DLG2: variants seen among roughly 807,000 people sequenced by gnomAD.
DLG2 encodes the protein discs large MAGUK scaffold protein 2, also known as disks large homolog 2.
A neutral mutation model predicts 132.5 loss-of-function variants in DLG2; 45 were observed. That is an observed-to-expected ratio of 0.34 (90% CI 0.27 to 0.44). The LOEUF (loss-of-function observed/expected upper bound fraction) is 0.44. DLG2 is among the 20% of genes least tolerant of loss of function. The pLI, the probability that DLG2 is intolerant of heterozygous loss-of-function variation, is 1.00. For missense variants in DLG2, 1,045 were observed against 1,196.9 expected (o/e 0.87, Z 1.87); for synonymous variants, 424 against 419.6 (o/e 1.01, Z -0.13).
At chr11:84,771,938 G>A (rs1304991432) in intron 6 of DLG2, among the ~76,000 whole-genome samples, 3 of 151,882 alleles carry the variant, frequency 2.0e-5, no homozygotes, top group Non-Finnish European at 4.4e-5. Context: ...TTGAAGCTAA[G>A]AGCCAAATCA....
At chr11:84,907,670 A>T (rs1034067801) in intron 6 of DLG2, among the ~76,000 whole-genome samples, 3 of 152,204 alleles carry the variant, frequency 2.0e-5, no homozygotes, top group Non-Finnish European at 2.9e-5. Flanking sequence ...TGAAAGTCAA[A>T]TAAGGGTTCT....
chr11:83,997,891 G>C (rs2094135215), intron 11 of DLG2, among the ~76,000 whole-genome samples: 1 of 151,702 alleles, frequency 6.6e-6, no homozygotes. Flanking sequence ...TCAGGCTTTG[G>C]GAGGCCATGG....
chr11:83,897,290 C>G (rs1159692096), intron 15 of DLG2, among the ~76,000 whole-genome samples: 1 of 152,146 alleles, frequency 6.6e-6, no homozygotes, highest in Non-Finnish European at 1.5e-5. Context: ...GGATTTGAAT[C>G]TTTGTGGCAT....
intron 8 of DLG2, among the ~76,000 whole-genome samples, chr11:84,188,607 C>G (rs951193005): frequency 6.6e-6 from 1 of 152,162 alleles, no homozygotes; most frequent in South Asian, 2.1e-4. Context: ...TCCCACTGAG[C>G]TAATATTGGA....
chr11:83,545,533 T>C (rs996593676), intron 19 of DLG2, among the ~76,000 whole-genome samples: 4 of 152,060 alleles, frequency 2.6e-5, no homozygotes, highest in Non-Finnish European at 5.9e-5. Flanking sequence ...TCAATACAGG[T>C]CTGTGAAAAT....
Position 84,784,354 on chromosome 11 carries a change from A to AATT in DLG2, c.358-249624_358-249623insAAT, listed in dbSNP as rs1565953308. On this transcript the variant is annotated intron_variant, in intron 6 of 27. Coordinates refer to ENST00000376104, the MANE Select transcript of DLG2 (RefSeq NM_001142699.3). ...TAAATAAATAAATAAATAAATAAAT[A>AATT]AATAAATAAATAAATTAAACAAGAG... Among the ~76,000 whole-genome samples, 96 of 144,038 alleles carry AATT rather than the reference A, an allele frequency of 6.7e-4. 1 individual carries two copies. The highest frequency in any genetic ancestry group is 2.0e-3 in the Admixed American group (29 of 14,296). 94.5% of individuals were successfully genotyped at this position (144,038 alleles called of 152,430 possible). A position where few individuals can be genotyped will look rare whatever the true frequency, so the allele number is the denominator to read the frequency against.
intron 4 of DLG2, among the ~76,000 whole-genome samples, chr11:85,212,187 G>C (rs1469493770): frequency 2.0e-5 from 3 of 152,062 alleles, no homozygotes; most frequent in Non-Finnish European, 4.4e-5. Context: ...ACTAGTCACA[G>C]AAAAATTGTC....
intron 7 of DLG2, among the ~76,000 whole-genome samples, chr11:84,292,970 G>A (rs1057176385): frequency 2.0e-5 from 3 of 152,176 alleles, no homozygotes; most frequent in African/African-American, 4.8e-5. Flanking sequence ...TTACAAATAT[G>A]TATTGGGCAG....
At chr11:84,971,612 T>A (rs1470706155) in intron 6 of DLG2, among the ~76,000 whole-genome samples, 1 of 152,196 alleles carries the variant, frequency 6.6e-6, no homozygotes, top group Non-Finnish European at 1.5e-5. Flanking sequence ...ATAGATTTAT[T>A]TGCAGATAGA....
chr11:84,806,872 T>C (rs2076056645), intron 6 of DLG2, among the ~76,000 whole-genome samples: 1 of 152,152 alleles, frequency 6.6e-6, no homozygotes, highest in African/African-American at 2.4e-5. Context: ...AGATGAAATA[T>C]TTTTTAAAAA....
At chr11:85,429,047 C>T (rs1361230991) in intron 3 of DLG2, among the ~76,000 whole-genome samples, 1 of 152,120 alleles carries the variant, frequency 6.6e-6, no homozygotes, top group Admixed American at 6.5e-5. Flanking sequence ...CTAAATTCCT[C>T]AACACATACA....
intron 4 of DLG2, among the ~76,000 whole-genome samples, chr11:85,243,806 A>C (rs905675910): frequency 6.6e-6 from 1 of 152,028 alleles, no homozygotes; most frequent in African/African-American, 2.4e-5. Context: ...AAATATCTCT[A>C]AATATTATCC....
intron 3 of DLG2, among the ~76,000 whole-genome samples, chr11:85,397,250 G>T (rs1183630113): frequency 2.0e-5 from 3 of 152,124 alleles, no homozygotes; most frequent in Non-Finnish European, 4.4e-5. Flanking sequence ...TCACCACCAG[G>T]CATGCCTTAT....
chr11:83,525,761 G>T (rs1263811962), intron 21 of DLG2, among the ~76,000 whole-genome samples: 1 of 152,132 alleles, frequency 6.6e-6, no homozygotes, highest in East Asian at 1.9e-4. Context: ...TCCAAGACCG[G>T]CTCCATTAAA....
intron 6 of DLG2, chr11:84,687,058 T>A (rs2099738827): frequency 6.6e-6 from 1 of 152,122 alleles, no homozygotes; most frequent in Non-Finnish European, 1.5e-5. Context: ...TCATGGATTA[T>A]GCAACTTACT....
At chr11:84,958,260 G>A (rs2051995503) in intron 6 of DLG2, among the ~76,000 whole-genome samples, 1 of 151,958 alleles carries the variant, frequency 6.6e-6, no homozygotes, top group African/African-American at 2.4e-5. Flanking sequence ...CTATTCCCAA[G>A]CCCAAGTTTT....
rs117093458 is a variant in DLG2, at chr11:83,819,518, G to T, written c.1722+14096C>A. The stretch of plus-strand genomic sequence containing the variant: ...GAAGAAAAGAAAAAGAAAAGAAAAA[G>T]AAAAGAAAAATATAGTCTTCATTCT... On this transcript the variant is annotated intron_variant, in intron 17 of 27. Coordinates refer to ENST00000376104, the MANE Select transcript of DLG2 (RefSeq NM_001142699.3). Among the ~76,000 whole-genome samples the T allele has an allele frequency of 1.8e-4, 13 of 73,636 alleles. No homozygotes were observed. In the East Asian group the frequency reaches 4.4e-3, roughly 25 times the overall value. The allele number at this position is 73,636 out of a possible 152,430, so 48.3% of individuals were successfully genotyped here. A position where few individuals can be genotyped will look rare whatever the true frequency, so the allele number is the denominator to read the frequency against.
intron 18 of DLG2, among the ~76,000 whole-genome samples, chr11:83,694,920 G>T (rs1429749844): frequency 1.3e-5 from 2 of 152,188 alleles, no homozygotes; most frequent in Non-Finnish European, 2.9e-5. Context: ...AGACGCAGTG[G>T]GAAGGCAGTG....
intron 8 of DLG2, among the ~76,000 whole-genome samples, chr11:84,178,767 T>A (rs1016726073): frequency 1.3e-5 from 2 of 151,780 alleles, no homozygotes; most frequent in Non-Finnish European, 2.9e-5. Flanking sequence ...GACAGACTCA[T>A]CAGAGACATC....
Sources: allele counts gnomAD v4.1 joint callset (sites outside exome capture counted in the v4.1 genomes callset), GRCh38; gene constraint gnomAD v4.1.1; transcripts MANE v1.5; gene names NCBI Gene and HGNC (gene_info 2026-07-23, HGNC 2026-07-21).